CHST13: variants seen among roughly 807,000 people sequenced by gnomAD.
The protein encoded by CHST13 is carbohydrate sulfotransferase 13, also known as C4ST-3.
A neutral mutation model predicts 7.0 loss-of-function variants in CHST13; 1 was observed. That is an observed-to-expected ratio of 0.14 (90% CI 0.05 to 0.68). CHST13 has a LOEUF of 0.68. CHST13 is among the 30% of genes least tolerant of loss of function. CHST13 has a pLI of 0.82. For synonymous variants in CHST13, 257 were observed against 240.9 expected (o/e 1.07, Z -0.62); for missense variants, 572 against 507.9 (o/e 1.13, Z -1.21).
intron 1 of CHST13, among the ~76,000 whole-genome samples, chr3:126,525,536 C>A (rs1576743144): frequency 6.6e-6 from 1 of 152,170 alleles, no homozygotes; most frequent in African/African-American, 2.4e-5. Context: ...ACCCCCACAA[C>A]CCCTTCTGTG....
In CHST13 at chr3:126,541,969, C is replaced by T. The variant is rs1171250088; in HGVS notation, c.417C>T (p.Ser139=). 3.2e-6 allele frequency: 5 copies of T among 1,581,728 alleles called. No homozygotes were observed. Among genetic ancestry groups the T allele is most frequent in the Non-Finnish European group, 2.6e-6 (3 of 1,166,446 alleles). ...CCCGCGGCGACCCGCGCGCCATCTC[C>T]GCGCAAGAGGCGCACGCGCCTGGCC... is the stretch of plus-strand genomic sequence containing the variant. The part of the protein sequence containing the change: ...GQARGDPRAI[S]AQEAHAPGRL... Residue 139 remains serine, a synonymous_variant, in exon 3 of 3, where the codon TCC becomes TCT. Transcript: ENST00000319340.
At chr3:126,532,876 A>G (rs1441854178) in intron 1 of CHST13, among the ~76,000 whole-genome samples, 1 of 152,202 alleles carries the variant, frequency 6.6e-6, no homozygotes, top group Non-Finnish European at 1.5e-5. Context: ...TCTTCACAAC[A>G]TTAAGTATTC....
At chr3:126,532,113 G>A (rs542789746) in intron 1 of CHST13, among the ~76,000 whole-genome samples, 1 of 152,280 alleles carries the variant, frequency 6.6e-6, no homozygotes, top group African/African-American at 2.4e-5. Flanking sequence ...AAAAAATTGA[G>A]TTGTCTTTTG....
In CHST13 at chr3:126,524,424, G is replaced by T. The variant is rs1453312939; in HGVS notation, c.92G>T (p.Arg31Leu). Residue 31 changes from arginine to leucine, a missense_variant, in exon 1 of 3, where the codon CGC becomes CTC. Coordinates refer to ENST00000319340, the MANE Select transcript of CHST13 (RefSeq NM_152889.3). Reference protein sequence around the residue: ...LLLCAAPRSLRPAFGNRALGS... With the variant: ...LLLCAAPRSLLPAFGNRALGS... Reference sequence around the variant, plus strand: ...CTATGCGCCGCGCCCCGCTCCCTGCGCCCGGGTGAGTGCCCGCCGGCCGAG... The same window carrying T: ...CTATGCGCCGCGCCCCGCTCCCTGCTCCCGGGTGAGTGCCCGCCGGCCGAG... 2 of 1,133,950 alleles carry T rather than the reference G, an allele frequency of 1.8e-6. No homozygotes were observed. Among genetic ancestry groups the T allele is most frequent in the Non-Finnish European group, 2.2e-6 (2 of 900,262 alleles). The allele number at this position is 1,133,950 out of a possible 1,614,324, so 70.2% of individuals were successfully genotyped here.
At chr3:126,539,774 CACA>C in intron 2 of CHST13, among the ~76,000 whole-genome samples, 1 of 50,880 alleles carries the variant, frequency 2.0e-5, no homozygotes, top group Non-Finnish European at 3.7e-5. Flanking sequence ...ACACACACAG[CACA>C]CACACACCAC....
At chr3:126,529,328 T>C in intron 1 of CHST13, 3 of 1,289,386 alleles carry the variant, frequency 2.3e-6, no homozygotes, top group Non-Finnish European at 3.0e-6. Flanking sequence ...TCTCCTTCCC[T>C]GGGCTGGTAT....
intron 2 of CHST13, among the ~76,000 whole-genome samples, chr3:126,539,416 CAT>C (rs75451337): frequency 9.9e-4 from 151 of 152,002 alleles, no homozygotes; most frequent in Non-Finnish European, 1.9e-3. Flanking sequence ...ATAGTGTGCA[CAT>C]GTGTGCAGGA....
intron 1 of CHST13, among the ~76,000 whole-genome samples, chr3:126,534,741 T>C (rs2107566304): frequency 7.1e-6 from 1 of 141,720 alleles, no homozygotes; most frequent in South Asian, 2.3e-4. Flanking sequence ...AGCATCCCTG[T>C]CCCCACCCAG....
rs771995779 is a variant in CHST13, at chr3:126,536,357, G to A, written c.180+4G>A. The stretch of plus-strand genomic sequence containing the variant: ...GAAGCTCTATGACCTGGATCAGGTA[G>A]GTGGACAGACCCTCGACCCAGGCAT... On this transcript the variant is annotated splice_donor_region_variant and intron_variant, in intron 2 of 2. Transcript: ENST00000319340. 3.7e-6 allele frequency: 6 copies of A among 1,612,020 alleles called. No homozygotes were observed. The African/African-American group carries it at 4.0e-5, about 11-fold the overall frequency.
At chr3:126,528,837 G>A (rs1936588222) in intron 1 of CHST13, among the ~76,000 whole-genome samples, 2 of 152,222 alleles carry the variant, frequency 1.3e-5, no homozygotes, top group Admixed American at 6.5e-5. Flanking sequence ...CTTGTCCAAT[G>A]TGTCCTTCCC....
chr3:126,536,716 C>G (rs1936799571), intron 2 of CHST13, among the ~76,000 whole-genome samples: 1 of 151,956 alleles, frequency 6.6e-6, no homozygotes, highest in Non-Finnish European at 1.5e-5. Context: ...GCAGGGACCC[C>G]CAGCCCCGGC....
intron 2 of CHST13, among the ~76,000 whole-genome samples, chr3:126,538,550 C>T (rs998463488): frequency 6.6e-6 from 1 of 152,218 alleles, no homozygotes; most frequent in Non-Finnish European, 1.5e-5. Flanking sequence ...CTGACACAGC[C>T]GGGGTCGGCC....
At chr3:126,538,025 G>A (rs1936835195) in intron 2 of CHST13, among the ~76,000 whole-genome samples, 1 of 152,176 alleles carries the variant, frequency 6.6e-6, no homozygotes, top group Non-Finnish European at 1.5e-5. Flanking sequence ...GAGTCCCAAG[G>A]GGCCTGAGTT....
intron 1 of CHST13, among the ~76,000 whole-genome samples, chr3:126,531,611 A>G (rs1027442371): frequency 2.6e-5 from 4 of 152,268 alleles, no homozygotes; most frequent in African/African-American, 7.2e-5. Context: ...TAACGTTTAC[A>G]AGGTTCAGCC....
rs754626828 is a variant in CHST13 at position 126,541,978 on chromosome 3, G to A, written c.426G>A (p.Glu142=). The change falls in exon 3 of 3, where the codon GAG becomes GAA. Residue 142 remains glutamate (E), a synonymous_variant. Transcript: ENST00000319340. ...ACCCGCGCGCCATCTCCGCGCAAGA[G>A]GCGCACGCGCCTGGCCGCCTGCCCT... ...RGDPRAISAQ[E]AHAPGRLPSL... is the part of the protein sequence containing the mutation. The A allele has an allele frequency of 3.8e-6, 6 of 1,573,838 alleles. No individual in the cohort carries two copies. The South Asian group carries it at 6.9e-5, about 18-fold the overall frequency.
At position 126,542,227 on chromosome 3, in the gene CHST13, C is replaced by T; in HGVS notation, c.675C>T (p.Phe225=). 2 of 1,503,450 alleles carry T rather than the reference C, an allele frequency of 1.3e-6. No individual in the cohort carries two copies. The highest frequency in any genetic ancestry group is 1.8e-6 in the Non-Finnish European group (2 of 1,133,882). 93.1% of individuals were successfully genotyped at this position (1,503,450 alleles called of 1,614,324 possible). The part of the protein sequence containing the change: ...DARARGHDVR[F]AEFLAYLLDP... ...GGGCCCGCGGCCACGACGTGCGCTT[C>T]GCGGAGTTCCTGGCCTACCTGCTGG... is the stretch of plus-strand genomic sequence containing the variant. Residue 225 remains phenylalanine, a synonymous_variant, in exon 3 of 3, where the codon TTC becomes TTT. Transcript: ENST00000319340.
At chr3:126,528,903 A>T (rs756027627) in intron 1 of CHST13, among the ~76,000 whole-genome samples, 3 of 152,224 alleles carry the variant, frequency 2.0e-5, no homozygotes, top group Non-Finnish European at 4.4e-5. Context: ...AGGTCACCCC[A>T]GAAAGCCCCT....
intron 2 of CHST13, among the ~76,000 whole-genome samples, chr3:126,536,941 C>G (rs1008175243): frequency 6.6e-6 from 1 of 151,398 alleles, no homozygotes; most frequent in Non-Finnish European, 1.5e-5. Context: ...CACACAAGTA[C>G]TTATTCGGAC....
At chr3:126,532,010 C>T (rs1936670410) in intron 1 of CHST13, among the ~76,000 whole-genome samples, 1 of 152,202 alleles carries the variant, frequency 6.6e-6, no homozygotes, top group African/African-American at 2.4e-5. Flanking sequence ...ATTTCTATTT[C>T]ACTAATGGCT....
Sources: allele counts gnomAD v4.1 joint callset (sites outside exome capture counted in the v4.1 genomes callset), GRCh38; gene constraint gnomAD v4.1.1; transcripts MANE v1.5; gene names NCBI Gene and HGNC (gene_info 2026-07-23, HGNC 2026-07-21).